TANC2: variants seen among roughly 807,000 people sequenced by gnomAD.
TANC2 encodes the protein protein TANC2.
Under a neutral mutation model 210.5 loss-of-function variants are expected in TANC2, and 26 were observed. That is an observed-to-expected ratio of 0.12 (90% CI 0.09 to 0.17). The LOEUF is 0.17. Ranked by LOEUF, TANC2 falls within the 10% of genes least tolerant of loss-of-function variation. The probability of loss-of-function intolerance (pLI) is 1.00; values close to 1 mark genes in which losing one functional copy is unlikely to be tolerated. For missense variants in TANC2, 2,129 were observed against 2,608.9 expected (o/e 0.82, Z 4.01); for synonymous variants, 931 against 967.1 (o/e 0.96, Z 0.69).
chr17:63,401,913 G>GATTATTGCAGCTA (rs2048356304), intron 19 of TANC2, among the ~76,000 whole-genome samples: 1 of 152,098 alleles, frequency 6.6e-6, no homozygotes, highest in Non-Finnish European at 1.5e-5. Context: ...CATTTGCCTA[G>GATTATTGCAGCTA]ATTATTGCAG....
intron 1 of TANC2, 74 bp from the exon 2 acceptor site, chr17:63,009,463 T>C: frequency 1.1e-6 from 1 of 951,966 alleles, no homozygotes; most frequent in Non-Finnish European, 1.6e-6. Context: ...TGTATAGTTA[T>C]TGACTATAGT....
chr17:63,142,914 G>A (rs961856471), intron 4 of TANC2, among the ~76,000 whole-genome samples: 1 of 152,026 alleles, frequency 6.6e-6, no homozygotes, highest in East Asian at 1.9e-4. Flanking sequence ...CCTATGTTTT[G>A]TCCCATTTTC....
intron 5 of TANC2, among the ~76,000 whole-genome samples, chr17:63,185,474 A>T (rs189351115): frequency 1.1e-4 from 17 of 152,244 alleles, no homozygotes; most frequent in African/African-American, 3.9e-4. Context: ...CTATTAGTAT[A>T]CTTTTCCTTT....
intron 9 of TANC2, among the ~76,000 whole-genome samples, chr17:63,284,607 A>G (rs1295368473): frequency 1.3e-5 from 2 of 152,060 alleles, no homozygotes; most frequent in Non-Finnish European, 2.9e-5. Context: ...GTTATCAAAG[A>G]ACATGCTTTG....
chr17:63,316,741 C>T (rs890205106), intron 10 of TANC2, among the ~76,000 whole-genome samples: 2 of 152,094 alleles, frequency 1.3e-5, no homozygotes, highest in Non-Finnish European at 2.9e-5. Context: ...TTATTGATGG[C>T]CAAACTATAT....
intron 4 of TANC2, among the ~76,000 whole-genome samples, chr17:63,115,558 T>C (rs1337069528): frequency 1.3e-5 from 2 of 152,214 alleles, no homozygotes; most frequent in African/African-American, 4.8e-5. Flanking sequence ...TAGCTACTTG[T>C]GAAAAGTATA....
exon 4 of TANC2, chr17:63,099,187 C>T: frequency 1.2e-6 from 2 of 1,609,860 alleles, no homozygotes; most frequent in African/African-American, 2.7e-5. Flanking sequence ...GGCATCTCCA[C>T]AGAAAGCGAC....
At chr17:63,007,825 C>T (rs1301909806) in intron 1 of TANC2, among the ~76,000 whole-genome samples, 20 of 152,012 alleles carry the variant, frequency 1.3e-4, no homozygotes, top group African/African-American at 4.8e-4. Flanking sequence ...ACATATTTAC[C>T]CTTCCTATGG....
At chr17:63,405,186 G>A (rs1242735933) in exon 20 of TANC2, 5 of 1,612,240 alleles carry the variant, frequency 3.1e-6, no homozygotes, top group South Asian at 2.2e-5. Flanking sequence ...AACAAGGGGC[G>A]GCAGTGGCCC....
chr17:63,012,714 C>T (rs1014530795), intron 2 of TANC2, among the ~76,000 whole-genome samples: 2 of 152,180 alleles, frequency 1.3e-5, no homozygotes, highest in Admixed American at 1.3e-4. Flanking sequence ...TGCAGTGGCA[C>T]TATAATAGCT....
chr17:63,165,710 T>C lies in TANC2; in HGVS notation c.433+14330T>C, dbSNP rs2040188276. On this transcript the variant is annotated intron_variant, in intron 5 of 27. Transcript: ENST00000689528. ...ATTAATGTGACTTTTGATGATATGATATTACTTTCCTTACTCTGATCAGTG... is the reference window on the plus strand; with the variant it reads ...ATTAATGTGACTTTTGATGATATGACATTACTTTCCTTACTCTGATCAGTG... 2.0e-5 allele frequency among the ~76,000 whole-genome samples: 3 copies of C among 152,340 alleles called. No individual in the cohort carries two copies. The South Asian group carries it at 6.2e-4, about 32-fold the overall frequency.
intron 1 of TANC2, among the ~76,000 whole-genome samples, chr17:62,999,824 A>G (rs1479255622): frequency 6.6e-6 from 1 of 152,238 alleles, no homozygotes; most frequent in Non-Finnish European, 1.5e-5. Context: ...TAGCAACATC[A>G]TGAAATCAAC....
At chr17:63,005,766 A>G (rs1221336412) in intron 1 of TANC2, among the ~76,000 whole-genome samples, 2 of 152,060 alleles carry the variant, frequency 1.3e-5, no homozygotes, top group Non-Finnish European at 2.9e-5. Context: ...ATATCATGCA[A>G]TACTTATAAA....
chr17:63,400,789 G>A (rs1386107018), intron 19 of TANC2, among the ~76,000 whole-genome samples: 2 of 151,198 alleles, frequency 1.3e-5, no homozygotes, highest in African/African-American at 2.4e-5. Context: ...GATTACAGGC[G>A]TGCACCACCA....
intron 9 of TANC2, among the ~76,000 whole-genome samples, chr17:63,292,229 A>G (rs1287830930): frequency 1.3e-5 from 2 of 152,260 alleles, no homozygotes; most frequent in East Asian, 3.9e-4. Context: ...TTGATAAGAA[A>G]AAAACAATAA....
At chr17:63,033,321 A>G (rs1435933828) in intron 2 of TANC2, among the ~76,000 whole-genome samples, 1 of 152,050 alleles carries the variant, frequency 6.6e-6, no homozygotes, top group Non-Finnish European at 1.5e-5. Flanking sequence ...TGATTTGATG[A>G]TTGGTTCCTC....
chr17:63,124,294 A>G (rs1320878467), intron 4 of TANC2, among the ~76,000 whole-genome samples: 2 of 152,122 alleles, frequency 1.3e-5, no homozygotes. Context: ...CAAAAGAGAA[A>G]AACCCACTTT....
chr17:63,173,036 C>G (rs958686777), intron 5 of TANC2, among the ~76,000 whole-genome samples: 1 of 152,144 alleles, frequency 6.6e-6, no homozygotes, highest in Non-Finnish European at 1.5e-5. Flanking sequence ...GTGCGTAAAA[C>G]TTTACTGGAT....
At chr17:63,109,501 CTAGCCTGG>C (rs2037952176) in intron 4 of TANC2, among the ~76,000 whole-genome samples, 1 of 151,618 alleles carries the variant, frequency 6.6e-6, no homozygotes, top group African/African-American at 2.4e-5. Context: ...AAAATTATGA[CTAGCCTGG>C]TAACCATAGA....
Sources: gnomAD v4.1 joint callset for allele counts (sites outside exome capture counted in the v4.1 genomes callset) on GRCh38, gnomAD v4.1.1 for gene constraint, MANE v1.5 for transcripts, NCBI Gene and HGNC (gene_info 2026-07-23, HGNC 2026-07-21) for gene names.